RPS20: variants seen among roughly 807,000 people sequenced by gnomAD.
RPS20 encodes the protein small ribosomal subunit protein uS10.
A neutral mutation model predicts 15.3 loss-of-function variants in RPS20; 3 were observed. The observed-to-expected ratio is 0.20, with a 90% CI of 0.09 to 0.51. RPS20 has a LOEUF of 0.51. RPS20 is among the 20% of genes least tolerant of loss of function. The pLI, the probability that RPS20 is intolerant of heterozygous loss-of-function variation, is 0.96. For missense variants in RPS20, 67 were observed against 145.9 expected (o/e 0.46, Z 2.79); for synonymous variants, 62 against 47.8 (o/e 1.30, Z -1.23).
At position 56,074,133 on chromosome 8, in the gene RPS20, G is replaced by A. The variant is rs773291256; in HGVS notation, c.30C>T (p.Pro10=). The A allele has an allele frequency of 3.3e-5, 53 of 1,613,134 alleles. No homozygotes were observed. The South Asian group carries it at 5.3e-4, about 16-fold the overall frequency. Residue 10 remains proline (P), a synonymous_variant, in exon 2 of 4, where the codon CCC becomes CCT. Coordinates refer to ENST00000009589, the MANE Select transcript of RPS20 (RefSeq NM_001023.4). MAFKDTGKT[P]VEPEVAIHRI... ...GGTGAATTGCCACCTCCGGCTCCAC[G>A]GGTGTTTTTCCGGTATCCTTAAAAG...
downstream of RPS20, among the ~76,000 whole-genome samples, chr8:56,069,405 T>C (rs1007298142): frequency 9.9e-5 from 15 of 152,212 alleles, no homozygotes; most frequent in African/African-American, 3.6e-4. Flanking sequence ...TTCAAGAGAT[T>C]CTCCTGCTTC....
At chr8:56,072,275 G>A (rs912330947), downstream of RPS20, among the ~76,000 whole-genome samples, 3 of 152,080 alleles carry the variant, frequency 2.0e-5, no homozygotes, top group East Asian at 5.8e-4. Flanking sequence ...AAATGGGCCA[G>A]GCATGGTGGC....
intron 3 of RPS20, chr8:56,073,482 C>T (rs1181737111): frequency 3.2e-6 from 2 of 634,180 alleles, no homozygotes; most frequent in Admixed American, 5.6e-5. Context: ...GCCTGTTAAG[C>T]ACCAAAGCAC....
At chr8:56,067,591 CAGG>C (rs1809646906) in exon 6 of RPS20, 1 of 151,402 alleles carries the variant, frequency 6.6e-6, no homozygotes, top group South Asian at 2.1e-4. Flanking sequence ...GAGGCTGAGG[CAGG>C]AGAATGGCAT....
intron 1 of RPS20, 82 bp from the exon 2 acceptor site, chr8:56,074,241 C>T (rs762165205): frequency 6.6e-7 from 1 of 1,523,640 alleles, no homozygotes; most frequent in Non-Finnish European, 9.0e-7. Flanking sequence ...GGAAGCTTCC[C>T]GCGTTTCCCC....
Position 56,073,271 on chromosome 8 carries a change from G to A in RPS20, c.179C>T (p.Thr60Ile). The change falls in exon 4 of 4, where the codon ACT (threonine) becomes ATT (isoleucine). Residue 60 changes from threonine (T) to isoleucine (I), a missense_variant and splice_region_variant. Thr to Ile is a moderately conservative substitution (Grantham distance 89). Coordinates refer to ENST00000009589, the MANE Select transcript of RPS20 (RefSeq NM_001023.4). ...AGTTTTTCTTGTAGTGATTCTCAAA[G>A]TCTGTAACAAAAGACAAAGGAAACC... ...VKGPVRMPTK[T>I]LRITTRKTPC... 2 of 1,596,202 alleles carry A rather than the reference G, an allele frequency of 1.3e-6. No individual in the cohort carries two copies. Among genetic ancestry groups the A allele is most frequent in the East Asian group, 2.2e-5 (1 of 44,816 alleles).
intron 3 of RPS20, 150 bp downstream of exon 3, chr8:56,073,545 T>A: frequency 1.4e-6 from 1 of 710,910 alleles, no homozygotes; most frequent in Non-Finnish European, 2.5e-6. Flanking sequence ...ATTAGCTACT[T>A]ACTAGGAACC....
downstream of RPS20, among the ~76,000 whole-genome samples, chr8:56,068,803 A>ATTTTT (rs1563345604): frequency 2.2e-5 from 2 of 92,608 alleles, no homozygotes; most frequent in Non-Finnish European, 4.4e-5. Context: ...CTTGGTGAAA[A>ATTTTT]TATCTTTTTT....
chr8:56,071,725 T>C (rs1395044688), downstream of RPS20, among the ~76,000 whole-genome samples: 1 of 152,146 alleles, frequency 6.6e-6, no homozygotes, highest in Non-Finnish European at 1.5e-5. Flanking sequence ...TATACAGAAA[T>C]CTCAACTGAA....
At chr8:56,068,649 G>A (rs1482365906), downstream of RPS20, 1 of 151,572 alleles carries the variant, frequency 6.6e-6, no homozygotes, top group East Asian at 1.9e-4. Flanking sequence ...GACAAATGGA[G>A]GGTAGGGCTA....
downstream of RPS20, among the ~76,000 whole-genome samples, chr8:56,071,811 C>T (rs910728023): frequency 2.2e-4 from 33 of 152,186 alleles, no homozygotes; most frequent in Non-Finnish European, 4.4e-4. Flanking sequence ...TTGAATTACC[C>T]AACTTTGATC....
At chr8:56,069,931 T>C (rs1263920556), downstream of RPS20, 2 of 707,156 alleles carry the variant, frequency 2.8e-6, no homozygotes, top group Non-Finnish European at 2.6e-6. Flanking sequence ...CATAACTACT[T>C]ACATACCATT....
chr8:56,068,805 ATCT>A (rs1809677991), downstream of RPS20, among the ~76,000 whole-genome samples: 1 of 41,530 alleles, frequency 2.4e-5, no homozygotes, highest in Admixed American at 3.4e-4. Flanking sequence ...TGGTGAAAAT[ATCT>A]TTTTTTTTTT....
At chr8:56,068,037 GTCTGAAATTTGCTT>G (rs1002347237) in exon 6 of RPS20, 3 of 152,176 alleles carry the variant, frequency 2.0e-5, no homozygotes, top group African/African-American at 7.2e-5. Flanking sequence ...AAAATACGAT[GTCTGAAATTTGCTT>G]TCAAATAATC....
chr8:56,067,977 C>T (rs905628997), exon 6 of RPS20: 1 of 151,834 alleles, frequency 6.6e-6, no homozygotes, highest in Non-Finnish European at 1.5e-5. Flanking sequence ...TGCTACAGAA[C>T]TGTTAGAAAA....
downstream of RPS20, among the ~76,000 whole-genome samples, chr8:56,069,330 G>A (rs1007822837): frequency 3.3e-5 from 5 of 151,900 alleles, no homozygotes; most frequent in East Asian, 1.9e-4. Flanking sequence ...TGGCAATCTC[G>A]GCTCCACAGC....
chr8:56,072,027 A>C (rs995272463), downstream of RPS20, among the ~76,000 whole-genome samples: 2 of 152,146 alleles, frequency 1.3e-5, no homozygotes, highest in African/African-American at 4.8e-5. Context: ...TGATGGTTTG[A>C]GTCTTCAGAG....
downstream of RPS20, among the ~76,000 whole-genome samples, chr8:56,070,157 G>C (rs532744222): frequency 1.3e-5 from 2 of 152,252 alleles, no homozygotes; most frequent in East Asian, 3.9e-4. Context: ...CTGTATCAGT[G>C]AGAGAAATCT....
intron 3 of RPS20, 55 bp downstream of exon 3, chr8:56,073,640 A>G: frequency 1.4e-6 from 2 of 1,468,066 alleles, no homozygotes; most frequent in South Asian, 1.1e-5. Context: ...AAGAACCTGA[A>G]TTTATGCAAC....
Sources: allele counts gnomAD v4.1 joint callset (sites outside exome capture counted in the v4.1 genomes callset), GRCh38; gene constraint gnomAD v4.1.1; transcripts MANE v1.5; gene names NCBI Gene and HGNC (gene_info 2026-07-23, HGNC 2026-07-21).